The following TRIM42 variants were observed in gnomAD, a reference collection of about 807,000 sequenced individuals.
TRIM42 encodes the protein tripartite motif containing 42.
In TRIM42, 59 loss-of-function variants were observed where a neutral mutation model predicts 64.9. That is an observed-to-expected ratio of 0.91 (90% CI 0.74 to 1.13). The LOEUF (loss-of-function observed/expected upper bound fraction) is 1.13, where lower values mean the gene tolerates loss of function less well. Ranked by LOEUF, TRIM42 falls within the 50% of genes most tolerant of loss-of-function variation. TRIM42 has a pLI of 0.00. For missense variants in TRIM42, 878 were observed against 929.5 expected, an observed-to-expected ratio of 0.94 and a Z score of 0.72; for synonymous variants, 354 against 346.3, an observed-to-expected ratio of 1.02 and a Z score of -0.25.
At chr3:140,688,773 T>C (rs1559937978) in intron 3 of TRIM42, among the ~76,000 whole-genome samples, 5 of 152,170 alleles carry the variant, frequency 3.3e-5, no homozygotes. Flanking sequence ...CTCATAATCG[T>C]AAATATATCT....
At position 140,687,770 on chromosome 3, in the gene TRIM42, A is replaced by T; in HGVS notation, c.1088A>T (p.Asn363Ile). Reference protein sequence around the residue: ...NDLMEFNILKNSFKADKEAKR... With the variant: ...NDLMEFNILKISFKADKEAKR... Reference sequence around the variant, plus strand: ...CTAATGGAATTCAACATCTTAAAAAACAGCTTTAAAGCTGACAAGGAGGCA... The same window carrying T: ...CTAATGGAATTCAACATCTTAAAAATCAGCTTTAAAGCTGACAAGGAGGCA... Residue 363 changes from asparagine to isoleucine, a missense_variant, in exon 3 of 5, where the codon AAC becomes ATC. Coordinates refer to ENST00000286349, the MANE Select transcript of TRIM42 (RefSeq NM_152616.5). 1 of 1,613,562 alleles carries T rather than the reference A, an allele frequency of 6.2e-7. No homozygotes were observed. The highest frequency in any genetic ancestry group is 8.5e-7 in the Non-Finnish European group (1 of 1,179,904).
At position 140,678,457 on chromosome 3, in the gene TRIM42, T is replaced by C. The variant is rs1234773422; in HGVS notation, c.228T>C (p.Cys76=). ...GCTCTTGGGCCAATGATCCCAACTGTAAGTGCTGCTGCACAGCCAGCAGCA... is the reference window on the plus strand; with the variant it reads ...GCTCTTGGGCCAATGATCCCAACTGCAAGTGCTGCTGCACAGCCAGCAGCA... ...CCCSWANDPN[C]KCCCTASSNL... Residue 76 remains cysteine, a synonymous_variant, in exon 1 of 5, where the codon TGT becomes TGC. Transcript: ENST00000286349. 1.9e-6 allele frequency: 3 copies of C among 1,614,190 alleles called. No homozygotes were observed. The highest frequency in any genetic ancestry group is 1.7e-6 in the Non-Finnish European group (2 of 1,180,032).
chr3:140,685,796 C>A (rs1258481156), intron 2 of TRIM42, among the ~76,000 whole-genome samples: 2 of 152,160 alleles, frequency 1.3e-5, no homozygotes, highest in African/African-American at 2.4e-5. Flanking sequence ...TCCCATTTAC[C>A]TGATGTGTAA....
intron 1 of TRIM42, chr3:140,680,593 G>A: frequency 1.3e-6 from 1 of 772,620 alleles, no homozygotes; most frequent in Non-Finnish European, 1.6e-6. Context: ...GATTCTCCAG[G>A]CCTTACTTTT....
At chr3:140,692,073 G>A (rs1294680742) in intron 4 of TRIM42, among the ~76,000 whole-genome samples, 1 of 152,110 alleles carries the variant, frequency 6.6e-6, no homozygotes, top group African/African-American at 2.4e-5. Context: ...ATATGCATCT[G>A]ATCTGATACC....
chr3:140,693,144 GA>G (rs1175230916), intron 4 of TRIM42, among the ~76,000 whole-genome samples: 2 of 152,134 alleles, frequency 1.3e-5, no homozygotes, highest in East Asian at 3.8e-4. Context: ...AACAAATAAG[GA>G]ATGTCTAAAT....
intron 1 of TRIM42, among the ~76,000 whole-genome samples, chr3:140,681,825 C>A (rs1559935117): frequency 1.3e-5 from 2 of 149,638 alleles, no homozygotes; most frequent in Admixed American, 1.3e-4. Context: ...CTTAATAAAT[C>A]TTATCTAGAA....
At position 140,678,100 on chromosome 3, in the gene TRIM42, T is replaced by G. The variant is rs1172272608; in HGVS notation, c.-130T>G. 1 of 841,494 alleles carries G rather than the reference T, an allele frequency of 1.2e-6. No homozygotes were observed. The highest frequency in any genetic ancestry group is 1.9e-6 in the Non-Finnish European group (1 of 518,714). The allele number at this position is 841,494 out of a possible 1,614,324, so 52.1% of individuals were successfully genotyped here. On this transcript the variant is annotated 5_prime_UTR_variant, in exon 1 of 5. Coordinates refer to ENST00000286349, the MANE Select transcript of TRIM42 (RefSeq NM_152616.5). ...CTGTGAAGTCCTCATAACAGCCAAC[T>G]TCTTGCAACTTTCAAGCTGACGGCC...
At chr3:140,699,022 G>A (rs983589003) in intron 4 of TRIM42, among the ~76,000 whole-genome samples, 1 of 99,898 alleles carries the variant, frequency 1.0e-5, no homozygotes, top group Non-Finnish European at 2.5e-5. Context: ...ATTAAGTTAA[G>A]GAAAATTACT....
At position 140,682,459 on chromosome 3, in the gene TRIM42, C is replaced by G; in HGVS notation, c.342-3C>G. On this transcript the variant is annotated splice_region_variant and splice_polypyrimidine_tract_variant and intron_variant, in intron 1 of 4. Coordinates refer to ENST00000286349, the MANE Select transcript of TRIM42 (RefSeq NM_152616.5). The stretch of plus-strand genomic sequence containing the variant: ...GAAACCCTGCCTTTGCTTCTCCTTT[C>G]AGCTCCAAGACTGCCCTGCGCACTG... 1 of 1,608,222 alleles carries G rather than the reference C, an allele frequency of 6.2e-7. No individual in the cohort carries two copies. Among genetic ancestry groups the G allele is most frequent in the Non-Finnish European group, 8.5e-7 (1 of 1,175,698 alleles).
chr3:140,691,590 C>G (rs1051794909), intron 4 of TRIM42, among the ~76,000 whole-genome samples: 1 of 152,112 alleles, frequency 6.6e-6, no homozygotes, highest in East Asian at 1.9e-4. Context: ...CCAGATTTAA[C>G]TAATGAAAAT....
At chr3:140,695,838 A>G (rs1576421927) in intron 4 of TRIM42, among the ~76,000 whole-genome samples, 1 of 151,840 alleles carries the variant, frequency 6.6e-6, no homozygotes, top group African/African-American at 2.4e-5. Flanking sequence ...CAAAATAACT[A>G]CCCCAAGCCT....
chr3:140,685,017 A>C (rs1988513223), intron 2 of TRIM42, among the ~76,000 whole-genome samples: 2 of 152,256 alleles, frequency 1.3e-5, no homozygotes, highest in South Asian at 2.1e-4. Context: ...GAAACCCAGC[A>C]GTTGGAAAGG....
intron 2 of TRIM42, among the ~76,000 whole-genome samples, chr3:140,685,836 C>A (rs1292034664): frequency 1.3e-5 from 2 of 152,184 alleles, no homozygotes; most frequent in Non-Finnish European, 2.9e-5. Flanking sequence ...TTCCCAGGGC[C>A]TCAAGCTTTT....
At chr3:140,685,284 C>T (rs1356755056) in intron 2 of TRIM42, among the ~76,000 whole-genome samples, 6 of 152,294 alleles carry the variant, frequency 3.9e-5, no homozygotes, top group African/African-American at 1.4e-4. Context: ...AGAAGCTTTA[C>T]TAAAAACTGA....
chr3:140,690,531 GTA>G (rs56969249), intron 3 of TRIM42, among the ~76,000 whole-genome samples: 48 of 104,086 alleles, frequency 4.6e-4, no homozygotes, highest in African/African-American at 8.7e-4. Flanking sequence ...AAGTTTTTAT[GTA>G]TATATATATA....
At chr3:140,693,483 TG>T (rs1177705919) in intron 4 of TRIM42, among the ~76,000 whole-genome samples, 1 of 152,266 alleles carries the variant, frequency 6.6e-6, no homozygotes, top group East Asian at 1.9e-4. Context: ...GAGGAAACAC[TG>T]GTTTCCTTAA....
Position 140,691,117 on chromosome 3 carries a change from C to T in TRIM42, c.2010C>T (p.Thr670=). 1 of 1,614,094 alleles carries T rather than the reference C, an allele frequency of 6.2e-7. No individual in the cohort carries two copies. Among genetic ancestry groups the T allele is most frequent in the South Asian group, 1.1e-5 (1 of 91,078 alleles). Residue 670 remains threonine (T), a synonymous_variant, in exon 4 of 5, where the codon ACC becomes ACT. Coordinates refer to ENST00000286349, the MANE Select transcript of TRIM42 (RefSeq NM_152616.5). ...MQQNLELHNL[T]PNTEYVFKVR... ...AAAATCTGGAGCTGCACAACCTGACCCCCAACACAGAATACGTGTTTAAAG... is the reference window on the plus strand; with the variant it reads ...AAAATCTGGAGCTGCACAACCTGACTCCCAACACAGAATACGTGTTTAAAG...
At position 140,682,743 on chromosome 3, in the gene TRIM42, A is replaced by C; in HGVS notation, c.623A>C (p.Asn208Thr). ...AGCAACAAGATGCAGCTGCCCGAGA[A>C]CTACCTGCACGGGCGTCTCACCAAG... ...PYSNKMQLPE[N>T]YLHGRLTKRY... The change falls in exon 2 of 5, where the codon AAC becomes ACC. Residue 208 changes from asparagine to threonine, a missense_variant. Coordinates refer to ENST00000286349, the MANE Select transcript of TRIM42 (RefSeq NM_152616.5). The C allele has an allele frequency of 6.2e-7, 1 of 1,612,986 alleles. No homozygotes were observed. The highest frequency in any genetic ancestry group is 8.5e-7 in the Non-Finnish European group (1 of 1,180,028).
Sources: allele counts gnomAD v4.1 joint callset (sites outside exome capture counted in the v4.1 genomes callset), GRCh38; gene constraint gnomAD v4.1.1; transcripts MANE v1.5; gene names NCBI Gene and HGNC (gene_info 2026-07-23, HGNC 2026-07-21).